Variants in MED16 observed in about 807,000 individuals in gnomAD.
MED16 encodes the protein mediator of RNA polymerase II transcription subunit 16.
In MED16, 81 loss-of-function variants were observed where a neutral mutation model predicts 84.4. That is an observed-to-expected ratio of 0.96 (90% CI 0.80 to 1.15). The LOEUF (loss-of-function observed/expected upper bound fraction) is 1.15. Among genes scored for constraint, MED16 ranks in the 50% most tolerant of loss-of-function variants. The probability of loss-of-function intolerance (pLI) is 0.00; values close to 1 mark genes in which losing one functional copy is unlikely to be tolerated. For missense variants in MED16, 1,585 were observed against 1,245.9 expected (o/e 1.27, Z -4.10); for synonymous variants, 897 against 552.2 (o/e 1.62, Z -8.76).
At chr19:871,579 C>A (rs751934483) in intron 12 of MED16, 3 of 1,595,270 alleles carry the variant, frequency 1.9e-6, no homozygotes, top group African/African-American at 2.7e-5. Flanking sequence ...ACACACAACC[C>A]GACAAGGAGA....
At chr19:871,685 G>C (rs771487206) in intron 12 of MED16, 1 of 1,555,242 alleles carries the variant, frequency 6.4e-7, no homozygotes, top group Non-Finnish European at 8.7e-7. Flanking sequence ...CAGATATCAA[G>C]GCAGAGCCAC....
At position 871,959 on chromosome 19, in the gene MED16, G is replaced by C; in HGVS notation, c.2065C>G (p.Leu689Val). The change falls in exon 12 of 16, where the codon CTC (leucine) becomes GTC (valine). Residue 689 changes from leucine to valine, a missense_variant. Physicochemically the swap from Leu to Val is conservative, Grantham distance 32 (BLOSUM62 1). Coordinates refer to ENST00000325464, the MANE Select transcript of MED16 (RefSeq NM_005481.3). ...CAGAGCTTGGTGAGCAGGCGGAAGAGCAGGGACATGCTGTCCTGGGTATCC... is the reference window on the plus strand; with the variant it reads ...CAGAGCTTGGTGAGCAGGCGGAAGACCAGGGACATGCTGTCCTGGGTATCC... ...TSDTQDSMSL[L>V]FRLLTKLWIC... 3 of 1,605,844 alleles carry C rather than the reference G, an allele frequency of 1.9e-6. No individual in the cohort carries two copies. Among genetic ancestry groups the C allele is most frequent in the South Asian group, 2.2e-5 (2 of 90,746 alleles).
Position 868,595 on chromosome 19 carries a change from G to C in MED16, c.2400-96C>G, listed in dbSNP as rs145005716. ...CTTCCAGGCAGGTCTCCCTCTGCTCGCCGTCCCTCACGCCTGCTCCCCACG... is the reference window on the plus strand; with the variant it reads ...CTTCCAGGCAGGTCTCCCTCTGCTCCCCGTCCCTCACGCCTGCTCCCCACG... On this transcript the variant is annotated intron_variant, in intron 14 of 15. Coordinates refer to ENST00000325464, the MANE Select transcript of MED16 (RefSeq NM_005481.3). 1.2e-4 allele frequency: 174 copies of C among 1,500,636 alleles called. No homozygotes were observed. The African/African-American group carries it at 2.1e-3, about 18-fold the overall frequency. The allele number at this position is 1,500,636 out of a possible 1,614,324, so 93.0% of individuals were successfully genotyped here.
In MED16 at chr19:868,079, G is replaced by A. The variant is rs556075367; in HGVS notation, c.*22C>T. 1 of 1,591,852 alleles carries A rather than the reference G, an allele frequency of 6.3e-7. No homozygotes were observed. Among genetic ancestry groups the A allele is most frequent in the East Asian group, 2.2e-5 (1 of 44,754 alleles). On this transcript the variant is annotated 3_prime_UTR_variant, in exon 16 of 16. Coordinates refer to ENST00000325464, the MANE Select transcript of MED16 (RefSeq NM_005481.3). ...AGACGCCCGAGCCGGGTCACCACAA[G>A]GTCCGCCTGGACCCCCGGCCGTCAC...
chr19:872,167 C>T (rs779344335), intron 11 of MED16, 49 bp from the exon 12 acceptor site: 12 of 1,519,206 alleles, frequency 7.9e-6, no homozygotes, highest in East Asian at 2.3e-5. Context: ...GGGCAGATGG[C>T]GATGGGATGA....
chr19:889,779 G>C lies in MED16; in HGVS notation c.306C>G (p.Asp102Glu), dbSNP rs772090360. 9 of 1,612,496 alleles carry C rather than the reference G, an allele frequency of 5.6e-6. No individual in the cohort carries two copies. The highest frequency in any genetic ancestry group is 1.1e-5 in the South Asian group (1 of 90,896). Residue 102 changes from aspartate to glutamate, a missense_variant, in exon 4 of 16, where the codon GAC becomes GAG. Coordinates refer to ENST00000325464, the MANE Select transcript of MED16 (RefSeq NM_005481.3). ...SGSRLLSADA[D>E]GQIKCWSMAD... ...CCATGCTCCAGCACTTGATCTGCCC[G>C]TCGGCATCTGCTGACAGGAGCCGGG...
chr19:873,497 C>G lies in MED16; in HGVS notation c.1857G>C (p.Gln619His), dbSNP rs954740454. The part of the protein sequence containing the change: ...NTLQALQQLL[Q>H]WVGDFVLYLL... ...GGTACAGCACGAAGTCGCCCACCCA[C>G]TGCAAGAGCTGCTGCAGCGCCTGCA... The change falls in exon 11 of 16, where the codon CAG (glutamine) becomes CAC (histidine). Residue 619 changes from glutamine to histidine, a missense_variant. Coordinates refer to ENST00000325464, the MANE Select transcript of MED16 (RefSeq NM_005481.3). 6.2e-7 allele frequency: 1 copy of G among 1,611,972 alleles called. No homozygotes were observed. The highest frequency in any genetic ancestry group is 8.5e-7 in the Non-Finnish European group (1 of 1,179,716).
chr19:871,540 A>T, intron 12 of MED16: 1 of 1,580,442 alleles, frequency 6.3e-7, no homozygotes, highest in Non-Finnish European at 8.5e-7. Flanking sequence ...ACTGGGATGT[A>T]AGAATGACAC....
intron 6 of MED16, among the ~76,000 whole-genome samples, chr19:883,624 G>A (rs2036465148): frequency 6.6e-6 from 1 of 152,160 alleles, no homozygotes; most frequent in Admixed American, 6.5e-5. Context: ...GTAACAGCTG[G>A]GCCAGCAGGT....
At chr19:880,257 G>A in intron 7 of MED16, 109 bp from the exon 8 acceptor site, 1 of 1,033,424 alleles carries the variant, frequency 9.7e-7, no homozygotes, top group Non-Finnish European at 1.3e-6. Flanking sequence ...CCCATCCAGG[G>A]GGTCAGCCCC....
rs117346489 is a variant in MED16 at position 867,988 on chromosome 19, C to T, written c.*113G>A. The T allele has an allele frequency of 8.5e-3, 11,832 of 1,387,604 alleles. 71 individuals carry two copies. The highest frequency in any genetic ancestry group is 0.01 in the Non-Finnish European group (10,432 of 1,041,478). The allele number at this position is 1,387,604 out of a possible 1,614,324, so 86.0% of individuals were successfully genotyped here. ...TGGGCGCAGAGGGCGTTTATTGGAC[C>T]TGTCCTTCCCAGCCGCTGCTTGTCC... is the stretch of plus-strand genomic sequence containing the variant. On this transcript the variant is annotated 3_prime_UTR_variant, in exon 16 of 16. Transcript: ENST00000325464.
At chr19:871,560 T>G in intron 12 of MED16, 3 of 1,592,066 alleles carry the variant, frequency 1.9e-6, no homozygotes, top group Non-Finnish European at 2.5e-6. Context: ...CAGCTCACCC[T>G]CCTCACATAC....
Position 871,021 on chromosome 19 carries a change from G to C in MED16, c.2315+16C>G. On this transcript the variant is annotated intron_variant, in intron 13 of 15. Coordinates refer to ENST00000325464, the MANE Select transcript of MED16 (RefSeq NM_005481.3). ...AGGAGTCCTGTGTTTGGGGACCAATGCAGGGACACACGCACCTGGCGAGGC... is the reference window on the plus strand; with the variant it reads ...AGGAGTCCTGTGTTTGGGGACCAATCCAGGGACACACGCACCTGGCGAGGC... The C allele has an allele frequency of 6.5e-7, 1 of 1,534,326 alleles. No individual in the cohort carries two copies. Among genetic ancestry groups the C allele is most frequent in the South Asian group, 1.2e-5 (1 of 83,326 alleles).
At chr19:870,699 C>G (rs909156184) in intron 13 of MED16, among the ~76,000 whole-genome samples, 1 of 151,370 alleles carries the variant, frequency 6.6e-6, no homozygotes, top group Non-Finnish European at 1.5e-5. Context: ...CAGTCATGGC[C>G]ATGACTGGAG....
intron 6 of MED16, among the ~76,000 whole-genome samples, chr19:883,224 A>G (rs2930891): frequency 0.3 from 44,614 of 148,408 alleles, 7,111 homozygotes; most frequent in African/African-American, 0.39. Flanking sequence ...GCATGGTAGG[A>G]ACCGAAGCCT....
intron 8 of MED16, among the ~76,000 whole-genome samples, chr19:879,245 C>A (rs1164381223): frequency 6.6e-6 from 1 of 150,574 alleles, no homozygotes; most frequent in Non-Finnish European, 1.5e-5. Context: ...CCCACATGCC[C>A]CAGCAGCTCG....
chr19:885,112 T>C (rs1477574318), intron 5 of MED16, 104 bp from the exon 6 acceptor site: 2 of 844,764 alleles, frequency 2.4e-6, no homozygotes, highest in East Asian at 2.7e-5. Context: ...CTGCTGGGCC[T>C]GTCTCTTCAG....
intron 8 of MED16, 55 bp from the exon 9 acceptor site, chr19:877,235 C>T (rs955833934): frequency 1.4e-5 from 21 of 1,541,096 alleles, no homozygotes; most frequent in African/African-American, 8.2e-5. Context: ...CGCCCTCAGC[C>T]GGGAGAGGAA....
intron 1 of MED16, among the ~76,000 whole-genome samples, chr19:892,117 A>G (rs2036649367): frequency 1.3e-5 from 2 of 152,056 alleles, no homozygotes; most frequent in Non-Finnish European, 2.9e-5. Context: ...AGGCTTTCTA[A>G]GCGCCTGGCA....
Sources: allele counts gnomAD v4.1 joint callset (sites outside exome capture counted in the v4.1 genomes callset), GRCh38; gene constraint gnomAD v4.1.1; transcripts MANE v1.5; gene names NCBI Gene and HGNC (gene_info 2026-07-23, HGNC 2026-07-21).